Variants in SMARCA2 observed in about 807,000 individuals in gnomAD.
SMARCA2 encodes SWI/SNF-related matrix-associated actin-dependent regulator of chromatin subfamily A member 2.
Under a neutral mutation model 199.8 loss-of-function variants are expected in SMARCA2, and 61 were observed. That is an observed-to-expected ratio of 0.31 (90% CI 0.25 to 0.38). The LOEUF is 0.38. SMARCA2 is among the 10% of genes least tolerant of loss of function. SMARCA2 has a pLI of 1.00. For missense variants in SMARCA2, 1,344 were observed against 2,012.2 expected, an observed-to-expected ratio of 0.67 and a Z score of 6.35; for synonymous variants, 935 against 732.0, an observed-to-expected ratio of 1.28 and a Z score of -4.48.
rs542260873 is a variant in SMARCA2, at chr9:2,018,431, T to G, written c.-37+3027T>G. ...CAAAGCGACCTGGGCTAGTAATCTTTTGGAGAGGTGTCATCATTGTCTCCT... is the reference window on the plus strand; with the variant it reads ...CAAAGCGACCTGGGCTAGTAATCTTGTGGAGAGGTGTCATCATTGTCTCCT... On this transcript the variant is annotated intron_variant, in intron 1 of 33. Transcript: ENST00000349721. Among the ~76,000 whole-genome samples, 33 of 152,342 alleles carry G rather than the reference T, an allele frequency of 2.2e-4. 1 individual carries two copies. In the East Asian group the frequency reaches 5.2e-3, roughly 24 times the overall value.
intron 4 of SMARCA2, chr9:2,043,700 C>T (rs1819711016): frequency 6.6e-6 from 1 of 152,166 alleles, no homozygotes. Context: ...AGTGGGAGCA[C>T]TGAATGCTTT....
At chr9:2,190,515 T>C (rs1827801509) in intron 32 of SMARCA2, among the ~76,000 whole-genome samples, 1 of 152,246 alleles carries the variant, frequency 6.6e-6, no homozygotes, top group Non-Finnish European at 1.5e-5. Context: ...AATATGGACA[T>C]GTATAAAGAT....
intron 3 of SMARCA2, among the ~76,000 whole-genome samples, chr9:2,038,928 C>T (rs367848232): frequency 9.2e-5 from 14 of 152,082 alleles, no homozygotes; most frequent in African/African-American, 3.4e-4. Context: ...TTCTTTATTC[C>T]CCATTGAGAT....
intron 27 of SMARCA2, among the ~76,000 whole-genome samples, chr9:2,149,532 A>G (rs1242810103): frequency 6.6e-6 from 1 of 151,496 alleles, no homozygotes; most frequent in African/African-American, 2.4e-5. Context: ...AACAACAACG[A>G]AAAAGGAAAC....
At chr9:2,157,854 T>G (rs1825447426) in intron 27 of SMARCA2, 1 of 398,450 alleles carries the variant, frequency 2.5e-6, no homozygotes, top group Non-Finnish European at 4.4e-6. Flanking sequence ...TGAGGCTGAC[T>G]TTCTGGACCT....
chr9:2,158,949 G>A lies in SMARCA2; in HGVS notation c.3982-2737G>A, dbSNP rs767489389. On this transcript the variant is annotated intron_variant, in intron 27 of 33. Transcript: ENST00000349721. ...ATGTTTTGTAGCTCTCTGCATTCCT[G>A]CATAAAACCTTAGTTTGAGGGGAAT... The A allele has an allele frequency of 4.3e-6, 7 of 1,611,642 alleles. No homozygotes were observed. The Admixed American group carries it at 6.7e-5, about 15-fold the overall frequency.
intron 29 of SMARCA2, among the ~76,000 whole-genome samples, chr9:2,180,359 T>C (rs904443612): frequency 4.6e-5 from 7 of 152,366 alleles, no homozygotes; most frequent in African/African-American, 1.7e-4. Flanking sequence ...CACTGGTTGC[T>C]AAGCAACTGT....
At chr9:2,108,916 G>A (rs559138749) in intron 23 of SMARCA2, among the ~76,000 whole-genome samples, 2 of 152,328 alleles carry the variant, frequency 1.3e-5, no homozygotes, top group African/African-American at 4.8e-5. Flanking sequence ...AATGTAGAAA[G>A]TAAATTGGGT....
chr9:2,054,748 T>C lies in SMARCA2; in HGVS notation c.1173+25T>C, dbSNP rs745309090. The C allele has an allele frequency of 6.2e-6, 10 of 1,611,986 alleles. No homozygotes were observed. In the South Asian group the frequency reaches 1.1e-4, roughly 18 times the overall value. ...GGTAATACATTTTCCCCAGTGAATC[T>C]GAGATGTAGGAAATAAATGTAATTG... On this transcript the variant is annotated intron_variant, in intron 6 of 33. Transcript: ENST00000349721.
Position 2,192,979 on chromosome 9 carries a change from CA to C in SMARCA2, c.*245del. On this transcript the variant is annotated 3_prime_UTR_variant, in exon 34 of 34. Coordinates refer to ENST00000349721, the MANE Select transcript of SMARCA2 (RefSeq NM_003070.5). ...CCTCAAAGATTCAGATTGAAACAAA[CA>C]AAAAGCTTTTGATGGAAAATATGTG... is the stretch of plus-strand genomic sequence containing the variant. 2.1e-6 allele frequency: 1 copy of C among 481,102 alleles called. No individual in the cohort carries two copies. Among genetic ancestry groups the C allele is most frequent in the East Asian group, 3.4e-5 (1 of 29,268 alleles). The allele number at this position is 481,102 out of a possible 1,614,324, so 29.8% of individuals were successfully genotyped here. A position where few individuals can be genotyped will look rare whatever the true frequency, so the allele number is the denominator to read the frequency against.
intron 29 of SMARCA2, among the ~76,000 whole-genome samples, chr9:2,172,908 G>A (rs1214581139): frequency 6.6e-6 from 1 of 152,224 alleles, no homozygotes; most frequent in Non-Finnish European, 1.5e-5. Context: ...CTGATAGTCT[G>A]TGAAGGATGG....
intron 23 of SMARCA2, among the ~76,000 whole-genome samples, chr9:2,106,538 A>G (rs1204041056): frequency 6.6e-6 from 1 of 152,206 alleles, no homozygotes; most frequent in African/African-American, 2.4e-5. Context: ...GAACTAATGG[A>G]CAAACAATCA....
At chr9:2,083,235 T>C (rs1586686679) in intron 15 of SMARCA2, 112 bp from the exon 16 acceptor site, 1 of 613,848 alleles carries the variant, frequency 1.6e-6, no homozygotes, top group Non-Finnish European at 2.8e-6. Flanking sequence ...AGATATGTTA[T>C]ATTCTGTAGC....
At chr9:2,145,683 A>G (rs1824705918) in intron 27 of SMARCA2, among the ~76,000 whole-genome samples, 1 of 152,232 alleles carries the variant, frequency 6.6e-6, no homozygotes, top group African/African-American at 2.4e-5. Context: ...CCATAAATGG[A>G]TATATATCTA....
At chr9:2,191,189 G>C in intron 32 of SMARCA2, 77 bp from the exon 33 acceptor site, 2 of 1,358,986 alleles carry the variant, frequency 1.5e-6, no homozygotes, top group Non-Finnish European at 2.1e-6. Context: ...TCTGTAGGTT[G>C]GTGATAGTCT....
chr9:2,192,177 C>G (rs1436722398), intron 33 of SMARCA2: 1 of 178,652 alleles, frequency 5.6e-6, no homozygotes, highest in Non-Finnish European at 1.2e-5. Flanking sequence ...TTCATTTCAT[C>G]CATTCACTTT....
intron 9 of SMARCA2, among the ~76,000 whole-genome samples, chr9:2,064,934 C>T (rs954021925): frequency 4.6e-5 from 7 of 152,346 alleles, no homozygotes; most frequent in African/African-American, 1.7e-4. Context: ...CCTGTAATCC[C>T]AGCACTTTGG....
At chr9:2,153,791 T>C (rs1377896359) in intron 27 of SMARCA2, among the ~76,000 whole-genome samples, 2 of 152,092 alleles carry the variant, frequency 1.3e-5, no homozygotes, top group East Asian at 3.9e-4. Flanking sequence ...CTTTTATGGT[T>C]CCACACGTCT....
intron 28 of SMARCA2, among the ~76,000 whole-genome samples, chr9:2,163,645 T>A (rs1341055908): frequency 6.6e-6 from 1 of 152,184 alleles, no homozygotes; most frequent in Non-Finnish European, 1.5e-5. Context: ...TTTTTTGCCT[T>A]TGTCTCAGGA....
Sources: allele counts gnomAD v4.1 joint callset (sites outside exome capture counted in the v4.1 genomes callset), GRCh38; gene constraint gnomAD v4.1.1; transcripts MANE v1.5; gene names NCBI Gene and HGNC (gene_info 2026-07-23, HGNC 2026-07-21).